Variants in TMCO4 observed in about 807,000 individuals in gnomAD.
TMCO4 encodes transmembrane and coiled-coil domains 4, also known as transmembrane and coiled-coil domain-containing protein 4.
Under a neutral mutation model 64.7 loss-of-function variants are expected in TMCO4, and 58 were observed. The ratio of observed to expected loss-of-function variants is 0.90; its 90% confidence interval spans 0.73 to 1.12. The LOEUF is 1.12. TMCO4 is among the 50% of genes most tolerant of loss of function. The pLI is 0.00. For synonymous variants in TMCO4, 325 were observed against 346.1 expected (o/e 0.94, Z 0.68); for missense variants, 780 against 825.9 (o/e 0.94, Z 0.68).
chr1:19,754,545 T>G (rs1283555736), intron 7 of TMCO4, among the ~76,000 whole-genome samples: 1 of 152,052 alleles, frequency 6.6e-6, no homozygotes, highest in Non-Finnish European at 1.5e-5. Context: ...TGACCTCGGG[T>G]AACCTGGCTG....
At chr1:19,776,547 T>C (rs1403538280) in intron 4 of TMCO4, among the ~76,000 whole-genome samples, 3 of 152,246 alleles carry the variant, frequency 2.0e-5, no homozygotes, top group Non-Finnish European at 4.4e-5. Flanking sequence ...AGTTTCATTA[T>C]TAACAACAAG....
In TMCO4 at chr1:19,721,671, C is replaced by G. The variant is rs186244630; in HGVS notation, c.1264+15701G>C. Reference sequence around the variant, plus strand: ...AGGCATGGTGGCACATGCCTGTAGTCCCAGCTACTTGGGAGGCTGAGGTGG... The same window carrying G: ...AGGCATGGTGGCACATGCCTGTAGTGCCAGCTACTTGGGAGGCTGAGGTGG... On this transcript the variant is annotated intron_variant, in intron 13 of 15. Transcript: ENST00000294543. Among the ~76,000 whole-genome samples, 254 of 152,162 alleles carry G rather than the reference C, an allele frequency of 1.7e-3. 2 individuals are homozygous for G. Among genetic ancestry groups the G allele is most frequent in the African/African-American group, 5.7e-3 (235 of 41,498 alleles).
Position 19,746,447 on chromosome 1 carries a change from G to C in TMCO4, c.757+9C>G, listed in dbSNP as rs1194541350. On this transcript the variant is annotated intron_variant, in intron 9 of 15. Coordinates refer to ENST00000294543, the MANE Select transcript of TMCO4 (RefSeq NM_181719.7). ...TTCCTCTGAACCCATCATTCCTTTT[G>C]AACCTTACCTGTCAGGCCAGCTCCA... 5.6e-6 allele frequency: 9 copies of C among 1,612,912 alleles called. No individual in the cohort carries two copies. The highest frequency in any genetic ancestry group is 7.6e-6 in the Non-Finnish European group (9 of 1,179,602).
At chr1:19,695,775 G>C (rs2095232029) in intron 14 of TMCO4, among the ~76,000 whole-genome samples, 1 of 152,148 alleles carries the variant, frequency 6.6e-6, no homozygotes, top group Non-Finnish European at 1.5e-5. Context: ...CCCCCAGGAG[G>C]ACTGGGTCCC....
At chr1:19,717,991 T>C (rs1055970112) in intron 13 of TMCO4, among the ~76,000 whole-genome samples, 10 of 152,132 alleles carry the variant, frequency 6.6e-5, no homozygotes, top group Non-Finnish European at 2.9e-5. Flanking sequence ...CTGGGTGCCC[T>C]TGGAGAAGTC....
intron 10 of TMCO4, among the ~76,000 whole-genome samples, chr1:19,745,306 G>C (rs1185153572): frequency 1.3e-5 from 2 of 151,672 alleles, no homozygotes; most frequent in Non-Finnish European, 2.9e-5. Flanking sequence ...GTGGGTAGGT[G>C]GATGGGTGGA....
intron 12 of TMCO4, 86 bp from the exon 13 acceptor site, chr1:19,737,542 A>C: frequency 1.7e-6 from 2 of 1,170,420 alleles, no homozygotes; most frequent in Admixed American, 1.8e-5. Context: ...GCCTTTGCAC[A>C]TTCCTTACCA....
intron 3 of TMCO4, among the ~76,000 whole-genome samples, chr1:19,786,185 A>T (rs115173570): frequency 0.015 from 2,280 of 152,332 alleles, 56 homozygotes; most frequent in African/African-American, 0.052. Flanking sequence ...GAGTCTGAGG[A>T]ATTTGAGGCT....
intron 14 of TMCO4, among the ~76,000 whole-genome samples, chr1:19,694,905 C>A (rs556532950): frequency 2.0e-4 from 30 of 152,336 alleles, no homozygotes; most frequent in African/African-American, 7.0e-4. Context: ...ATAAAGTTCT[C>A]AAAAAGTCAC....
rs765490684 is a variant in TMCO4, at chr1:19,683,085, G to C, written c.1860C>G (p.Pro620=). ...GGCCCTGGGTCTTGCAGGCACAATC[G>C]GGGCAGCCCAGTGGGTTGGGGTCCA... ...HGMDPNPLGC[P]DCACKTQGPS... Residue 620 remains proline (P), a synonymous_variant, in exon 16 of 16, where the codon CCC becomes CCG. Transcript: ENST00000294543. 5 of 1,606,326 alleles carry C rather than the reference G, an allele frequency of 3.1e-6. No individual in the cohort carries two copies. The highest frequency in any genetic ancestry group is 4.2e-6 in the Non-Finnish European group (5 of 1,176,528).
chr1:19,689,004 G>A (rs1394091134), intron 15 of TMCO4, among the ~76,000 whole-genome samples: 1 of 152,140 alleles, frequency 6.6e-6, no homozygotes, highest in Non-Finnish European at 1.5e-5. Context: ...GGGCAGGAGG[G>A]CAGCTTCATT....
At chr1:19,715,741 G>T (rs2095352732) in intron 13 of TMCO4, among the ~76,000 whole-genome samples, 1 of 152,202 alleles carries the variant, frequency 6.6e-6, no homozygotes, top group African/African-American at 2.4e-5. Flanking sequence ...CTGTGAAGTG[G>T]CCTTTTCCTC....
intron 2 of TMCO4, among the ~76,000 whole-genome samples, chr1:19,794,409 C>A (rs984630887): frequency 6.6e-6 from 1 of 152,222 alleles, no homozygotes; most frequent in Non-Finnish European, 1.5e-5. Flanking sequence ...AACTCAGCAA[C>A]ATTTGTTGAC....
chr1:19,740,386 CAGG>C (rs976831624), intron 11 of TMCO4, among the ~76,000 whole-genome samples: 8 of 152,198 alleles, frequency 5.3e-5, no homozygotes, highest in Non-Finnish European at 8.8e-5. Flanking sequence ...CTGCTCATCC[CAGG>C]AGGATGAGAG....
At chr1:19,765,561 C>A (rs1427503093) in intron 6 of TMCO4, among the ~76,000 whole-genome samples, 1 of 152,086 alleles carries the variant, frequency 6.6e-6, no homozygotes, top group Non-Finnish European at 1.5e-5. Flanking sequence ...AATAGCCCCC[C>A]ACAACAGAAT....
chr1:19,792,986 G>A (rs565020329), intron 2 of TMCO4, among the ~76,000 whole-genome samples: 71 of 152,058 alleles, frequency 4.7e-4, no homozygotes, highest in Admixed American at 1.4e-3. Context: ...GGCCAGGCTG[G>A]TCTTGAACAC....
At chr1:19,774,766 A>C in intron 4 of TMCO4, among the ~76,000 whole-genome samples, 1 of 152,148 alleles carries the variant, frequency 6.6e-6, no homozygotes, top group East Asian at 1.9e-4. Flanking sequence ...TGAGTTACTT[A>C]ATTCTCACCA....
chr1:19,734,424 G>A lies in TMCO4; in HGVS notation c.1264+2948C>T, dbSNP rs143925853. ...TATGTGCGCATGTGTGTGAACTGTA[G>A]GGTGCCCAGCACCAGTGCCCCCGGG... On this transcript the variant is annotated intron_variant, in intron 13 of 15. Coordinates refer to ENST00000294543, the MANE Select transcript of TMCO4 (RefSeq NM_181719.7). The surrounding 1 kb of genome is among the most constrained non-coding windows in gnomAD (Gnocchi z 4.4). Among the ~76,000 whole-genome samples the A allele has an allele frequency of 7.9e-5, 12 of 152,220 alleles. No homozygotes were observed. In the East Asian group the frequency reaches 2.3e-3, roughly 29 times the overall value.
chr1:19,706,545 G>A (rs1372557296), intron 13 of TMCO4, among the ~76,000 whole-genome samples: 2 of 152,134 alleles, frequency 1.3e-5, no homozygotes, highest in African/African-American at 4.8e-5. Flanking sequence ...TTCAGGAGTC[G>A]AGTCATAGAC....
Sources: allele counts gnomAD v4.1 joint callset (sites outside exome capture counted in the v4.1 genomes callset), GRCh38; gene constraint gnomAD v4.1.1; non-coding constraint Gnocchi (gnomAD v3.1); transcripts MANE v1.5; gene names NCBI Gene and HGNC (gene_info 2026-07-23, HGNC 2026-07-21).